The following APOOL variants were observed in gnomAD, a reference collection of about 807,000 sequenced individuals.
APOOL encodes the protein apolipoprotein O like, also known as MICOS complex subunit MIC27.
APOOL carries 12 observed loss-of-function variants against 23.1 expected under a neutral mutation model. The observed-to-expected ratio is 0.52, with a 90% CI of 0.33 to 0.84. The LOEUF (loss-of-function observed/expected upper bound fraction) is 0.84, where lower values mean the gene tolerates loss of function less well. Ranked by LOEUF, APOOL falls within the 40% of genes least tolerant of loss-of-function variation. APOOL has a pLI of 0.02. For missense variants in APOOL, 212 were observed against 199.6 expected, an observed-to-expected ratio of 1.06 and a Z score of -0.37; for synonymous variants, 77 against 69.9, an observed-to-expected ratio of 1.10 and a Z score of -0.51.
rs1304170252 is a variant in APOOL, at chrX:85,078,921, G to T, written c.718+4530G>T. The stretch of plus-strand genomic sequence containing the variant: ...GTTAATGGTGTATAAGAATGCTTGT[G>T]ATTTTTGCACATTGATTTTGTATCC... On this transcript the variant is annotated intron_variant, in intron 8 of 8. Coordinates refer to ENST00000373173, the MANE Select transcript of APOOL (RefSeq NM_198450.6). 1.3e-4 allele frequency among the ~76,000 whole-genome samples: 14 copies of T among 111,617 alleles called. No individual in the cohort carries two copies. In the Admixed American group the frequency reaches 1.3e-3, roughly 11 times the overall value.
At chrX:85,063,146 A>T (rs1923300396) in intron 5 of APOOL, among the ~76,000 whole-genome samples, 1 of 111,011 alleles carries the variant, frequency 9.0e-6, no homozygotes, top group South Asian at 3.8e-4. Flanking sequence ...TTCATTTATG[A>T]TTTGGCTCTC....
rs527810389 is a variant in APOOL at position 85,088,130 on chromosome X, A to G, written c.*452A>G. 3,459 of 27,660 alleles carry G rather than the reference A, an allele frequency of 0.13. 18 individuals carry two copies. The highest frequency in any genetic ancestry group is 0.24 in the Middle Eastern group (5 of 21). The allele number at this position is 27,660 out of a possible 1,213,427, so 2.3% of individuals were successfully genotyped here. A position where few individuals can be genotyped will look rare whatever the true frequency, so the allele number is the denominator to read the frequency against. On this transcript the variant is annotated 3_prime_UTR_variant, in exon 9 of 9. Transcript: ENST00000373173. Reference sequence around the variant, plus strand: ...TATACATATATGTATAAATACATACATATTTATACATATATGTATAAATAC... The same window carrying G: ...TATACATATATGTATAAATACATACGTATTTATACATATATGTATAAATAC...
intron 1 of APOOL, among the ~76,000 whole-genome samples, chrX:85,004,441 CTTTCGAG>C (rs2042791741): frequency 9.0e-6 from 1 of 111,616 alleles, no homozygotes; most frequent in African/African-American, 3.3e-5. Flanking sequence ...TAACCTGTTC[CTTTCGAG>C]TTTTACGCTT....
At chrX:85,011,775 C>T (rs764286428) in intron 1 of APOOL, among the ~76,000 whole-genome samples, 7 of 111,497 alleles carry the variant, frequency 6.3e-5, no homozygotes, top group African/African-American at 1.6e-4. Context: ...TTGGGTAATA[C>T]GATGCCTTCA....
chrX:85,069,248 A>C (rs1288146984), intron 6 of APOOL, among the ~76,000 whole-genome samples: 1 of 110,499 alleles, frequency 9.0e-6, no homozygotes, highest in Non-Finnish European at 1.9e-5. Flanking sequence ...CCTATCCAAA[A>C]CTTTATGAAA....
At chrX:85,030,790 G>A (rs1216823520) in intron 1 of APOOL, among the ~76,000 whole-genome samples, 1 of 111,220 alleles carries the variant, frequency 9.0e-6, no homozygotes, top group East Asian at 2.9e-4. Context: ...AGATGAAAAA[G>A]TACATATTAG....
chrX:85,062,873 A>T (rs764240963), intron 5 of APOOL, among the ~76,000 whole-genome samples: 67 of 111,464 alleles, frequency 6.0e-4, no homozygotes, highest in African/African-American at 1.9e-3. Flanking sequence ...TGTGAATTTT[A>T]AAATAGTTTT....
intron 6 of APOOL, among the ~76,000 whole-genome samples, chrX:85,070,862 C>T (rs1464496464): frequency 3.6e-5 from 4 of 110,545 alleles, no homozygotes; most frequent in African/African-American, 1.3e-4. Context: ...GAGATATATG[C>T]ACCTCCATGT....
chrX:85,078,570 C>T (rs1372935537), intron 8 of APOOL, among the ~76,000 whole-genome samples: 8 of 110,995 alleles, frequency 7.2e-5, no homozygotes, highest in South Asian at 7.7e-4. Context: ...CTTGGCGATG[C>T]GGGCTCTTTT....
At chrX:85,087,498 T>C in intron 8 of APOOL, 92 bp from the exon 9 acceptor site, 2 of 768,522 alleles carry the variant, frequency 2.6e-6, no homozygotes, top group Non-Finnish European at 1.9e-6. Context: ...TCACTAGAGA[T>C]TTTTATCTGG....
intron 1 of APOOL, among the ~76,000 whole-genome samples, chrX:85,032,721 A>G: frequency 9.0e-6 from 1 of 111,523 alleles, no homozygotes; most frequent in Non-Finnish European, 1.9e-5. Flanking sequence ...CATACATCAT[A>G]ATTAAAGTAA....
intron 1 of APOOL, among the ~76,000 whole-genome samples, chrX:85,030,533 A>G (rs977920580): frequency 4.5e-5 from 5 of 111,991 alleles, no homozygotes; most frequent in Non-Finnish European, 9.4e-5. Flanking sequence ...ATAAATAAAT[A>G]CAATGTAGTG....
At chrX:85,027,440 T>C (rs759760578) in intron 1 of APOOL, among the ~76,000 whole-genome samples, 2 of 111,672 alleles carry the variant, frequency 1.8e-5, no homozygotes, top group South Asian at 3.8e-4. Context: ...GGAGCAACTC[T>C]GGTTTCTGAT....
intron 6 of APOOL, among the ~76,000 whole-genome samples, chrX:85,071,121 A>G (rs191339727): frequency 1.8e-5 from 2 of 111,846 alleles, no homozygotes; most frequent in Admixed American, 9.6e-5. Flanking sequence ...TTAACAAAAA[A>G]TCTTGAATGT....
intron 6 of APOOL, among the ~76,000 whole-genome samples, chrX:85,071,804 A>G (rs1158442323): frequency 1.8e-5 from 2 of 112,380 alleles, no homozygotes; most frequent in Non-Finnish European, 3.8e-5. Flanking sequence ...TCATGTATTA[A>G]GAACTCCTGG....
intron 1 of APOOL, among the ~76,000 whole-genome samples, chrX:85,020,734 A>G (rs1921634857): frequency 9.0e-6 from 1 of 111,623 alleles, no homozygotes; most frequent in Admixed American, 9.4e-5. Flanking sequence ...TCATCAGGCT[A>G]CCATGTGTGG....
chrX:85,049,514 T>C (rs1255891812), intron 2 of APOOL, among the ~76,000 whole-genome samples: 2 of 111,828 alleles, frequency 1.8e-5, no homozygotes, highest in African/African-American at 6.5e-5. Context: ...TGAGGCGCAG[T>C]GCCTCATGCT....
chrX:85,034,571 G>C (rs1922150510), intron 1 of APOOL, among the ~76,000 whole-genome samples: 1 of 110,941 alleles, frequency 9.0e-6, no homozygotes, highest in Non-Finnish European at 1.9e-5. Context: ...CATCACCCAG[G>C]TAGTGAGCAT....
intron 2 of APOOL, among the ~76,000 whole-genome samples, chrX:85,047,511 T>C (rs1922614974): frequency 9.0e-6 from 1 of 111,421 alleles, no homozygotes; most frequent in Non-Finnish European, 1.9e-5. Context: ...ATTTGAGTGC[T>C]CAAAATCAAC....
Sources: allele counts gnomAD v4.1 joint callset (sites outside exome capture counted in the v4.1 genomes callset), GRCh38; gene constraint gnomAD v4.1.1; transcripts MANE v1.5; gene names NCBI Gene and HGNC (gene_info 2026-07-23, HGNC 2026-07-21).